CAMK1D: variants seen among roughly 807,000 people sequenced by gnomAD.
CAMK1D encodes the protein calcium/calmodulin dependent protein kinase ID, also known as calcium/calmodulin-dependent protein kinase type 1D.
CAMK1D carries 9 observed loss-of-function variants against 47.7 expected under a neutral mutation model. The ratio of observed to expected loss-of-function variants is 0.19; its 90% CI spans 0.11 to 0.33. The LOEUF (loss-of-function observed/expected upper bound fraction) is 0.33. Among genes scored for constraint, CAMK1D ranks in the 10% least tolerant of loss-of-function variants. The pLI, the probability that CAMK1D is intolerant of heterozygous loss-of-function variation, is 1.00. For missense variants in CAMK1D, 291 were observed against 488.7 expected, an observed-to-expected ratio of 0.60 and a Z score of 3.81; for synonymous variants, 184 against 184.9, an observed-to-expected ratio of 0.99 and a Z score of 0.04.
rs952589878 is a variant in CAMK1D, at chr10:12,704,561, GA to G, written c.299+37762del. Among the ~76,000 whole-genome samples, 89 of 147,684 alleles carry G rather than the reference GA, an allele frequency of 6.0e-4. 1 individual carries two copies. Among genetic ancestry groups the G allele is most frequent in the African/African-American group, 1.3e-3 (52 of 39,692 alleles). On this transcript the variant is annotated intron_variant, in intron 3 of 10. Transcript: ENST00000619168. Reference sequence around the variant, plus strand: ...ATTGTGTTATATTTTTTAAAAAGAGGAAAAAAAAAAAGAAAGATTACCCCAA... The same window carrying G: ...ATTGTGTTATATTTTTTAAAAAGAGGAAAAAAAAAAGAAAGATTACCCCAA...
chr10:12,422,140 C>A (rs954719041), intron 1 of CAMK1D, among the ~76,000 whole-genome samples: 9 of 152,096 alleles, frequency 5.9e-5, no homozygotes, highest in African/African-American at 1.9e-4. Flanking sequence ...CCTGATCATG[C>A]CCTTGTGGTT....
At chr10:12,573,360 A>C (rs1457537815) in intron 2 of CAMK1D, among the ~76,000 whole-genome samples, 1 of 152,236 alleles carries the variant, frequency 6.6e-6, no homozygotes. Context: ...TTTTATCGTC[A>C]TGCAGAGCTG....
chr10:12,700,563 A>G (rs1833478547), intron 3 of CAMK1D, among the ~76,000 whole-genome samples: 1 of 152,204 alleles, frequency 6.6e-6, no homozygotes, highest in Non-Finnish European at 1.5e-5. Context: ...AGCCTTTCTG[A>G]GCTTAGGAGC....
chr10:12,752,937 C>T (rs1042369039), intron 3 of CAMK1D, among the ~76,000 whole-genome samples: 29 of 152,210 alleles, frequency 1.9e-4, no homozygotes, highest in Admixed American at 1.6e-3. Flanking sequence ...ACTTTAGTAT[C>T]GGAAAAAGTA....
chr10:12,703,308 A>AGTCGG (rs2130727797), intron 3 of CAMK1D, among the ~76,000 whole-genome samples: 1 of 152,306 alleles, frequency 6.6e-6, no homozygotes, highest in South Asian at 2.1e-4. Context: ...CACAGAATGG[A>AGTCGG]GTCGGGTGAA....
At chr10:12,614,876 G>A (rs928296552) in intron 2 of CAMK1D, among the ~76,000 whole-genome samples, 1 of 152,160 alleles carries the variant, frequency 6.6e-6, no homozygotes, top group African/African-American at 2.4e-5. Flanking sequence ...AGAAACTGCC[G>A]ACATGGAGTA....
At chr10:12,541,691 C>T (rs1836185152) in intron 1 of CAMK1D, among the ~76,000 whole-genome samples, 1 of 151,744 alleles carries the variant, frequency 6.6e-6, no homozygotes. Context: ...CATTCGGATT[C>T]TCTGGGGTCT....
intron 4 of CAMK1D, 89 bp from the exon 5 acceptor site, chr10:12,769,584 G>T: frequency 2.1e-6 from 3 of 1,453,726 alleles, no homozygotes; most frequent in Non-Finnish European, 1.9e-6. Flanking sequence ...TCCTGACGTT[G>T]TGAATAGGTT....
intron 3 of CAMK1D, among the ~76,000 whole-genome samples, chr10:12,749,551 T>TGTTGTTG (rs776500503): frequency 2.0e-5 from 2 of 99,032 alleles, no homozygotes; most frequent in Admixed American, 2.0e-4. Context: ...TTGTTTGTTT[T>TGTTGTTG]TTGTTTGTTT....
intron 3 of CAMK1D, among the ~76,000 whole-genome samples, chr10:12,687,274 GA>G (rs1003050870): frequency 0.033 from 4,626 of 139,694 alleles, 193 homozygotes; most frequent in African/African-American, 0.1. Context: ...ACTATGCTCA[GA>G]AAAAAAAAAA....
chr10:12,780,266 G>C (rs1453906990), intron 5 of CAMK1D, among the ~76,000 whole-genome samples: 2 of 152,182 alleles, frequency 1.3e-5, no homozygotes, highest in Non-Finnish European at 1.5e-5. Context: ...AAGCCACCCA[G>C]CAGGGGACTT....
chr10:12,504,989 T>G (rs994098191), intron 1 of CAMK1D, among the ~76,000 whole-genome samples: 2 of 151,284 alleles, frequency 1.3e-5, no homozygotes, highest in Admixed American at 1.3e-4. Flanking sequence ...AAAGCAACGC[T>G]TCGAAGCACA....
intron 2 of CAMK1D, among the ~76,000 whole-genome samples, chr10:12,639,849 T>TTTTG (rs879459012): frequency 6.6e-6 from 1 of 152,106 alleles, no homozygotes; most frequent in African/African-American, 2.4e-5. Flanking sequence ...TATATATATT[T>TTTTG]TTTGTTTGTT....
At chr10:12,374,258 C>CAAAAAAAAAA (rs56312810) in intron 1 of CAMK1D, among the ~76,000 whole-genome samples, 1 of 91,748 alleles carries the variant, frequency 1.1e-5, no homozygotes, top group African/African-American at 4.3e-5. Flanking sequence ...GACTCTGTCT[C>CAAAAAAAAAA]AAAAAAAAAA....
chr10:12,530,929 C>T (rs1010419436), intron 1 of CAMK1D, among the ~76,000 whole-genome samples: 5 of 151,980 alleles, frequency 3.3e-5, no homozygotes, highest in South Asian at 4.1e-4. Flanking sequence ...TGATGGCGGG[C>T]GCCTGTAATC....
chr10:12,583,117 G>A (rs1292748978), intron 2 of CAMK1D, among the ~76,000 whole-genome samples: 1 of 151,944 alleles, frequency 6.6e-6, no homozygotes, highest in Non-Finnish European at 1.5e-5. Context: ...AAAGAAACAA[G>A]CCCAACAATT....
intron 2 of CAMK1D, among the ~76,000 whole-genome samples, chr10:12,616,031 G>A (rs1838799053): frequency 6.6e-6 from 1 of 151,186 alleles, no homozygotes; most frequent in African/African-American, 2.4e-5. Context: ...TGCTGTGTGT[G>A]TGGGTGTGTG....
intron 1 of CAMK1D, among the ~76,000 whole-genome samples, chr10:12,504,886 C>T (rs530785207): frequency 6.6e-6 from 1 of 152,226 alleles, no homozygotes; most frequent in Admixed American, 6.5e-5. Flanking sequence ...TTTCTTGCCC[C>T]CTATGATGCT....
intron 3 of CAMK1D, among the ~76,000 whole-genome samples, chr10:12,758,770 A>AG (rs1225800895): frequency 6.6e-6 from 1 of 152,160 alleles, no homozygotes; most frequent in African/African-American, 2.4e-5. Flanking sequence ...TGGGGTCCTA[A>AG]GGGCAGGAGG....
Sources: gnomAD v4.1 joint callset for allele counts (sites outside exome capture counted in the v4.1 genomes callset) on GRCh38, gnomAD v4.1.1 for gene constraint, MANE v1.5 for transcripts, NCBI Gene and HGNC (gene_info 2026-07-23, HGNC 2026-07-21) for gene names.